Variants in KCNN2 observed in about 807,000 individuals in gnomAD.
KCNN2 encodes small conductance calcium-activated potassium channel protein 2.
In KCNN2, 24 loss-of-function variants were observed where a neutral mutation model predicts 55.5. The observed-to-expected ratio is 0.43, with a 90% CI of 0.31 to 0.61. The LOEUF (loss-of-function observed/expected upper bound fraction) is 0.61. Among genes scored for constraint, KCNN2 ranks in the 20% least tolerant of loss-of-function variants. The probability of loss-of-function intolerance (pLI) is 0.08; values close to 1 mark genes in which losing one functional copy is unlikely to be tolerated. For missense variants in KCNN2, 754 were observed against 853.6 expected, an observed-to-expected ratio of 0.88 and a Z score of 1.45; for synonymous variants, 431 against 336.1, an observed-to-expected ratio of 1.28 and a Z score of -3.09.
At chr5:114,412,497 T>C (rs965343864) in intron 3 of KCNN2, among the ~76,000 whole-genome samples, 3 of 152,240 alleles carry the variant, frequency 2.0e-5, no homozygotes, top group African/African-American at 7.2e-5. Flanking sequence ...TTTCAGTGTT[T>C]TTTATCTGTT....
At chr5:114,279,531 A>C (rs1485623739) in intron 2 of KCNN2, among the ~76,000 whole-genome samples, 1 of 152,036 alleles carries the variant, frequency 6.6e-6, no homozygotes, top group East Asian at 1.9e-4. Flanking sequence ...GTTCCCACCT[A>C]TGAGTGAGAA....
chr5:114,219,637 A>G (rs1479652996), intron 1 of KCNN2, among the ~76,000 whole-genome samples: 2 of 152,006 alleles, frequency 1.3e-5, no homozygotes, highest in African/African-American at 4.8e-5. Flanking sequence ...GGGAGGGGCC[A>G]TATGTGCTTT....
At chr5:114,320,111 C>G (rs1756586120) in intron 2 of KCNN2, among the ~76,000 whole-genome samples, 1 of 152,136 alleles carries the variant, frequency 6.6e-6, no homozygotes, top group South Asian at 2.1e-4. Flanking sequence ...TATCCCCAAA[C>G]ATGAATGAGT....
intron 3 of KCNN2, 141 bp downstream of exon 3, chr5:114,404,997 T>G (rs1318816248): frequency 1.4e-5 from 9 of 657,228 alleles, no homozygotes; most frequent in Non-Finnish European, 2.3e-5. Context: ...TTGAAATGAC[T>G]GTGACAAAGC....
intron 1 of KCNN2, among the ~76,000 whole-genome samples, chr5:114,187,635 A>G (rs1753364031): frequency 6.7e-6 from 1 of 148,788 alleles, no homozygotes; most frequent in Non-Finnish European, 1.5e-5. Context: ...CCTCCTGAGT[A>G]GCTGGGACTA....
intron 1 of KCNN2, among the ~76,000 whole-genome samples, chr5:114,163,442 A>T (rs1231558461): frequency 6.6e-6 from 1 of 152,160 alleles, no homozygotes; most frequent in African/African-American, 2.4e-5. Flanking sequence ...TATGGCTGTT[A>T]TTAATTTGAG....
intron 2 of KCNN2, among the ~76,000 whole-genome samples, chr5:114,294,493 T>C (rs922446612): frequency 7.2e-5 from 11 of 152,320 alleles, no homozygotes; most frequent in Middle Eastern, 3.4e-3. Context: ...TTCCATGTAG[T>C]TGAGCGGTTT....
rs137880130 is a variant in KCNN2 at position 114,410,287 on chromosome 5, A to G, written c.1637+5431A>G. 8.6e-4 allele frequency among the ~76,000 whole-genome samples: 131 copies of G among 152,342 alleles called. 2 individuals are homozygous for G. In the East Asian group the frequency reaches 0.022, roughly 26 times the overall value. On this transcript the variant is annotated intron_variant, in intron 3 of 7. Coordinates refer to ENST00000673685, the MANE Select transcript of KCNN2 (RefSeq NM_021614.4). ...TTTTGTAAAGATAGCGTACGTAGGC[A>G]GCTATTCACCCCAAAGTGTGTTTTA...
In KCNN2 at chr5:114,423,898, T is replaced by C. The variant is rs1158354719; in HGVS notation, c.1637+19042T>C. Among the ~76,000 whole-genome samples the C allele has an allele frequency of 2.0e-5, 3 of 152,156 alleles. No homozygotes were observed. The East Asian group carries it at 5.8e-4, about 29-fold the overall frequency. On this transcript the variant is annotated intron_variant, in intron 3 of 7. Transcript: ENST00000673685. ...GATATCCCAGACAGAAGGAACAGCA[T>C]AAATACAGGCATGGAGAAAGGGAAG...
intron 4 of KCNN2, among the ~76,000 whole-genome samples, chr5:114,463,881 A>C (rs79240950): frequency 0.16 from 23,981 of 152,194 alleles, 2,679 homozygotes; most frequent in East Asian, 0.55. Context: ...ATACCCAGGA[A>C]GGGAAGTAGG....
chr5:114,406,459 C>T (rs1460475432), intron 3 of KCNN2, among the ~76,000 whole-genome samples: 2 of 151,444 alleles, frequency 1.3e-5, no homozygotes, highest in Non-Finnish European at 2.9e-5. Flanking sequence ...TCTATGTTTA[C>T]ATTGTTATTA....
intron 1 of KCNN2, among the ~76,000 whole-genome samples, chr5:114,081,078 A>G (rs1750806073): frequency 6.6e-6 from 1 of 152,208 alleles, no homozygotes; most frequent in African/African-American, 2.4e-5. Context: ...AAAGTATAAA[A>G]AAACTTAGGA....
chr5:114,430,591 T>C (rs535823830), intron 3 of KCNN2, among the ~76,000 whole-genome samples: 28 of 152,112 alleles, frequency 1.8e-4, no homozygotes, highest in Non-Finnish European at 3.2e-4. Context: ...TACTATTTTT[T>C]CTTGTCTTTA....
At chr5:114,458,413 G>C (rs1258137182) in intron 3 of KCNN2, among the ~76,000 whole-genome samples, 2 of 152,168 alleles carry the variant, frequency 1.3e-5, no homozygotes, top group Admixed American at 1.3e-4. Flanking sequence ...TCCAATTTAT[G>C]TTCACTGATG....
At chr5:114,442,618 C>T (rs924297816) in intron 3 of KCNN2, among the ~76,000 whole-genome samples, 3 of 152,046 alleles carry the variant, frequency 2.0e-5, no homozygotes, top group African/African-American at 4.8e-5. Flanking sequence ...AAGTATGCCT[C>T]GCCAGATGCT....
chr5:114,141,787 C>A (rs1447402628), intron 1 of KCNN2, among the ~76,000 whole-genome samples: 2 of 152,180 alleles, frequency 1.3e-5, no homozygotes, highest in Non-Finnish European at 2.9e-5. Context: ...TCCTCTCCAG[C>A]ACCTGTAGTT....
chr5:114,130,927 C>T (rs1752058887), intron 1 of KCNN2, among the ~76,000 whole-genome samples: 1 of 152,144 alleles, frequency 6.6e-6, no homozygotes, highest in Non-Finnish European at 1.5e-5. Flanking sequence ...TCAGATAGCT[C>T]AGAGAATTTG....
intron 3 of KCNN2, among the ~76,000 whole-genome samples, chr5:114,429,867 G>A: frequency 8.1e-6 from 1 of 123,298 alleles, no homozygotes; most frequent in Admixed American, 1.0e-4. Flanking sequence ...TGTTGTTCTA[G>A]CATCATTTGT....
intron 2 of KCNN2, among the ~76,000 whole-genome samples, chr5:114,398,698 T>A (rs1270373578): frequency 1.3e-5 from 2 of 152,206 alleles, no homozygotes; most frequent in Non-Finnish European, 2.9e-5. Context: ...TCCGTTTGTT[T>A]ATGTAATTTC....
Sources: gnomAD v4.1 joint callset for allele counts (sites outside exome capture counted in the v4.1 genomes callset) on GRCh38, gnomAD v4.1.1 for gene constraint, MANE v1.5 for transcripts, NCBI Gene and HGNC (gene_info 2026-07-23, HGNC 2026-07-21) for gene names.